NEURL4: variants seen among roughly 807,000 people sequenced by gnomAD.
NEURL4 encodes the protein neuralized E3 ubiquitin protein ligase 4.
In NEURL4, 45 loss-of-function variants were observed where a neutral mutation model predicts 148.0. That is an observed-to-expected ratio of 0.30 (90% CI 0.24 to 0.39). The LOEUF (loss-of-function observed/expected upper bound fraction) is 0.39, where lower values mean the gene tolerates loss of function less well. Among genes scored for constraint, NEURL4 ranks in the 10% least tolerant of loss-of-function variants. The probability of loss-of-function intolerance (pLI) is 1.00; values close to 1 mark genes in which losing one functional copy is unlikely to be tolerated. For synonymous variants in NEURL4, 854 were observed against 869.0 expected (o/e 0.98, Z 0.30); for missense variants, 1,776 against 2,144.0 (o/e 0.83, Z 3.39).
chr17:7,316,541 TCCCA>T (rs1031978764), intron 28 of NEURL4, among the ~76,000 whole-genome samples: 18 of 152,288 alleles, frequency 1.2e-4, no homozygotes, highest in African/African-American at 4.1e-4. Flanking sequence ...CTCGAATCTC[TCCCA>T]CCTTCTTAGG....
Position 7,315,756 on chromosome 17 carries a change from T to C in NEURL4, c.*367A>G, listed in dbSNP as rs1362491043. On this transcript the variant is annotated 3_prime_UTR_variant, in exon 29 of 29. Transcript: ENST00000399464. Reference sequence around the variant, plus strand: ...GGTGGCCCCGGAAAAAGCAGCTTCATGTGGGCACAGGGAGAGACTCCTCTG... The same window carrying C: ...GGTGGCCCCGGAAAAAGCAGCTTCACGTGGGCACAGGGAGAGACTCCTCTG... 5 of 465,260 alleles carry C rather than the reference T, an allele frequency of 1.1e-5. No individual in the cohort carries two copies. In the Admixed American group the frequency reaches 1.9e-4, roughly 18 times the overall value. The allele number at this position is 465,260 out of a possible 1,614,324, so 28.8% of individuals were successfully genotyped here. A position where few individuals can be genotyped will look rare whatever the true frequency, so the allele number is the denominator to read the frequency against.
In NEURL4 at chr17:7,321,884, C is replaced by T. The variant is rs774373138; in HGVS notation, c.2852G>A (p.Arg951Lys). Residue 951 changes from arginine (R) to lysine (K), a missense_variant, in exon 17 of 29, where the codon AGG becomes AAG. Physicochemically the swap from Arg to Lys is conservative, Grantham distance 26. Coordinates refer to ENST00000399464, the MANE Select transcript of NEURL4 (RefSeq NM_032442.3). The surrounding 1 kb of genome is among the most constrained non-coding windows in gnomAD (Gnocchi z 6.3). Reference protein sequence around the residue: ...HGLVFSTKELRAEEVFEVKVE... With the variant: ...HGLVFSTKELKAEEVFEVKVE... The stretch of plus-strand genomic sequence containing the variant: ...GCCTACCTCAAAGACTTCCTCAGCC[C>T]TCAGCTCCTTGGTACTGAAGACAAG... 1.2e-6 allele frequency: 2 copies of T among 1,613,950 alleles called. No homozygotes were observed. The highest frequency in any genetic ancestry group is 1.1e-5 in the South Asian group (1 of 91,074).
Position 7,321,627 on chromosome 17 carries a change from C to G in NEURL4, c.3032G>C (p.Ser1011Thr), listed in dbSNP as rs779230162. 6 of 1,614,088 alleles carry G rather than the reference C, an allele frequency of 3.7e-6. No individual in the cohort carries two copies. The East Asian group carries it at 1.3e-4, about 36-fold the overall frequency. Residue 1011 changes from serine (S) to threonine (T), a missense_variant, in exon 18 of 29, where the codon AGC becomes ACC. Ser to Thr is a moderately conservative substitution (Grantham distance 58, BLOSUM62 1). Coordinates refer to ENST00000399464, the MANE Select transcript of NEURL4 (RefSeq NM_032442.3). This position sits in a 1 kb window ranked among gnomAD's most constrained non-coding sequence, Gnocchi z 6.3. ...LRTKTTWMVS[S>T]CEVRRDGQLQ... is the part of the protein sequence containing the mutation. ...CTGCCCATCACGCCTCACTTCACAG[C>G]TGGATACCATCCAAGTGGTCTTCGT...
Position 7,323,180 on chromosome 17 carries a change from C to T in NEURL4, c.2418-57G>A, listed in dbSNP as rs1567621103. The T allele has an allele frequency of 1.9e-6, 3 of 1,551,648 alleles. No homozygotes were observed. The Admixed American group carries it at 5.1e-5, about 27-fold the overall frequency. ...TGCCAACTTCAACTTCACATTGGCC[C>T]CTGCCCACTCCCTGTCTGTCAGAAC... On this transcript the variant is annotated intron_variant, in intron 14 of 28. Transcript: ENST00000399464.
Position 7,318,509 on chromosome 17 carries a change from C to G in NEURL4, c.3850G>C (p.Gly1284Arg). ...QPCHALVDLY[G>R]QCEQVTIVNP... The stretch of plus-strand genomic sequence containing the variant: ...CTGCCACTAACCTGCTCACACTGCC[C>G]ATAGAGGTCCACAAGCGCATGGCAG... The change falls in exon 23 of 29, where the codon GGG becomes CGG. Residue 1284 changes from glycine to arginine, a missense_variant. By Grantham distance (125) the Gly-to-Arg change is moderately radical (BLOSUM62 -2). Transcript: ENST00000399464. This position sits in a 1 kb window ranked among gnomAD's most constrained non-coding sequence, Gnocchi z 4.3. 1 of 1,609,588 alleles carries G rather than the reference C, an allele frequency of 6.2e-7. No individual in the cohort carries two copies. Among genetic ancestry groups the G allele is most frequent in the Non-Finnish European group, 8.5e-7 (1 of 1,177,416 alleles).
At chr17:7,317,619 C>A in intron 26 of NEURL4, 46 bp from the exon 27 acceptor site, 1 of 1,570,780 alleles carries the variant, frequency 6.4e-7, no homozygotes, top group Non-Finnish European at 8.8e-7. Context: ...GCCACTGACT[C>A]CCCAGTGGAG....
At position 7,320,899 on chromosome 17, in the gene NEURL4, G is replaced by C. The variant is rs1468056301; in HGVS notation, c.3385C>G (p.Pro1129Ala). Reference protein sequence around the residue: ...LGGQNEVGIIPTTLEFLENHG... With the variant: ...LGGQNEVGIIATTLEFLENHG... ...TTCTCCAGGAACTCGAGGGTGGTGG[G>C]TATAATACCCACTTCATTCTGGCCC... is the stretch of plus-strand genomic sequence containing the variant. The change falls in exon 21 of 29, where the codon CCC becomes GCC. Residue 1129 changes from proline to alanine, a missense_variant. Physicochemically the swap from Pro to Ala is conservative, Grantham distance 27 (BLOSUM62 -1). Coordinates refer to ENST00000399464, the MANE Select transcript of NEURL4 (RefSeq NM_032442.3). The C allele has an allele frequency of 6.2e-7, 1 of 1,613,942 alleles. No homozygotes were observed. The highest frequency in any genetic ancestry group is 1.7e-5 in the Admixed American group (1 of 59,988).
rs368412726 is a variant in NEURL4 at position 7,326,876 on chromosome 17, C to T, written c.927G>A (p.Ser309=). The T allele has an allele frequency of 2.2e-5, 36 of 1,613,850 alleles. No homozygotes were observed. Among genetic ancestry groups the T allele is most frequent in the African/African-American group, 5.3e-5 (4 of 74,908 alleles). The change falls in exon 4 of 29, where the codon TCG becomes TCA. Residue 309 remains serine, a synonymous_variant. Coordinates refer to ENST00000399464, the MANE Select transcript of NEURL4 (RefSeq NM_032442.3). This position sits in a 1 kb window ranked among gnomAD's most constrained non-coding sequence, Gnocchi z 6.0. ...EGLGSSGAAT[S]PILTSNDALL... ...GGGCATCGTTGGAAGTGAGAATGGGCGAGGTGGCAGCACCGCTAGATCCCA... is the reference window on the plus strand; with the variant it reads ...GGGCATCGTTGGAAGTGAGAATGGGTGAGGTGGCAGCACCGCTAGATCCCA...
chr17:7,317,590 C>T lies in NEURL4; in HGVS notation c.4206-17G>A, dbSNP rs375598917. Reference sequence around the variant, plus strand: ...GGATTCACTCTAGGAGGTGGACAAGCGGGGCAGATACAACGAAGGCCACTG... The same window carrying T: ...GGATTCACTCTAGGAGGTGGACAAGTGGGGCAGATACAACGAAGGCCACTG... On this transcript the variant is annotated splice_polypyrimidine_tract_variant and intron_variant, in intron 26 of 28. Coordinates refer to ENST00000399464, the MANE Select transcript of NEURL4 (RefSeq NM_032442.3). The T allele has an allele frequency of 7.3e-4, 1,170 of 1,611,286 alleles. 3 individuals carry two copies. Among genetic ancestry groups the T allele is most frequent in the Non-Finnish European group, 8.9e-4 (1,053 of 1,177,650 alleles).
rs1398186593 is a variant in NEURL4, at chr17:7,318,065, C to T, written c.4060G>A (p.Glu1354Lys). 6 of 1,614,086 alleles carry T rather than the reference C, an allele frequency of 3.7e-6. No homozygotes were observed. Among genetic ancestry groups the T allele is most frequent in the Non-Finnish European group, 4.2e-6 (5 of 1,179,946 alleles). The change falls in exon 25 of 29, where the codon GAA becomes AAA. Residue 1354 changes from glutamate (E) to lysine (K), a missense_variant and splice_region_variant. Glu to Lys is a moderately conservative substitution (Grantham distance 56). Coordinates refer to ENST00000399464, the MANE Select transcript of NEURL4 (RefSeq NM_032442.3). This position sits in a 1 kb window ranked among gnomAD's most constrained non-coding sequence, Gnocchi z 4.3. ...AGTTCTGGCGGACTGTGGGACTCACCGGGAAGCAGCAGGAGTTCTTGGAAG... is the reference window on the plus strand; with the variant it reads ...AGTTCTGGCGGACTGTGGGACTCACTGGGAAGCAGCAGGAGTTCTTGGAAG... ...SRFQELLLLPEDYFMPPPKRS... is the reference protein window; with the variant it reads ...SRFQELLLLPKDYFMPPPKRS...
chr17:7,324,744 G>A lies in NEURL4; in HGVS notation c.1813+55C>T. The A allele has an allele frequency of 1.3e-6, 2 of 1,575,976 alleles. No individual in the cohort carries two copies. Among genetic ancestry groups the A allele is most frequent in the Admixed American group, 1.7e-5 (1 of 59,482 alleles). On this transcript the variant is annotated intron_variant, in intron 9 of 28. Transcript: ENST00000399464. This position sits in a 1 kb window ranked among gnomAD's most constrained non-coding sequence, Gnocchi z 5.9. ...GCTGCAGAACAAGTGCCAGGGCTTT[G>A]GGGATAGCTTCCCCCCAAAACCCTA...
chr17:7,327,681 C>T lies in NEURL4; in HGVS notation c.486G>A (p.Glu162=), dbSNP rs753406803. The change falls in exon 2 of 29, where the codon GAG becomes GAA. Residue 162 remains glutamate (E), a synonymous_variant. Transcript: ENST00000399464. The surrounding 1 kb of genome is among the most constrained non-coding windows in gnomAD (Gnocchi z 6.6). ...GCCGAAGCTCCCCAGCAACTGTGCG[C>T]TCCACGCCCACGCGGTCCCCTTCAC... ...QLGEGDRVGV[E]RTVAGELRLW... 2 of 1,613,914 alleles carry T rather than the reference C, an allele frequency of 1.2e-6. No homozygotes were observed. Among genetic ancestry groups the T allele is most frequent in the Admixed American group, 1.7e-5 (1 of 60,016 alleles).
In NEURL4 at chr17:7,324,808, A is replaced by G; in HGVS notation, c.1804T>C (p.Leu602=). The change falls in exon 9 of 29, where the codon TTG becomes CTG. Residue 602 remains leucine (L), a synonymous_variant. Transcript: ENST00000399464. This position sits in a 1 kb window ranked among gnomAD's most constrained non-coding sequence, Gnocchi z 5.9. ...YLQLPSTMTN[L]RSGTWMMTGN... ...CTTCCTGGGAGCTCACCAGAGCGCA[A>G]GTTGGTCATGGTGGAGGGCAACTGG... The G allele has an allele frequency of 6.2e-7, 1 of 1,614,094 alleles. No homozygotes were observed. The highest frequency in any genetic ancestry group is 8.5e-7 in the Non-Finnish European group (1 of 1,179,990).
In NEURL4 at chr17:7,321,919, A is replaced by G. The variant is rs1265864664; in HGVS notation, c.2817T>C (p.Tyr939=). The change falls in exon 17 of 29, where the codon TAT becomes TAC. Residue 939 remains tyrosine (Y), a synonymous_variant. Coordinates refer to ENST00000399464, the MANE Select transcript of NEURL4 (RefSeq NM_032442.3). This position sits in a 1 kb window ranked among gnomAD's most constrained non-coding sequence, Gnocchi z 6.3. ...DGTRAVRAAG[Y]AHGLVFSTKE... Reference sequence around the variant, plus strand: ...TGGTACTGAAGACAAGGCCATGAGCATAGCCAGCGGCACGCACTGCCCTCG... The same window carrying G: ...TGGTACTGAAGACAAGGCCATGAGCGTAGCCAGCGGCACGCACTGCCCTCG... 1 of 1,614,058 alleles carries G rather than the reference A, an allele frequency of 6.2e-7. No individual in the cohort carries two copies. Among genetic ancestry groups the G allele is most frequent in the South Asian group, 1.1e-5 (1 of 91,086 alleles).
In NEURL4 at chr17:7,317,873, G is replaced by C; in HGVS notation, c.4120C>G (p.Leu1374Val). The C allele has an allele frequency of 6.2e-7, 1 of 1,614,202 alleles. No homozygotes were observed. Among genetic ancestry groups the C allele is most frequent in the East Asian group, 2.2e-5 (1 of 44,882 alleles). ...SLCYCESCRKLRGDEAHRRRG... is the reference protein window; with the variant it reads ...SLCYCESCRKVRGDEAHRRRG... ...CGCCTGTGGGCCTCGTCTCCTCGCA[G>C]CTTCCGGCAAGACTCACAGTAGCAC... Residue 1374 changes from leucine (L) to valine (V), a missense_variant, in exon 26 of 29, where the codon CTG (leucine) becomes GTG (valine). Coordinates refer to ENST00000399464, the MANE Select transcript of NEURL4 (RefSeq NM_032442.3).
chr17:7,322,826 T>C lies in NEURL4; in HGVS notation c.2634A>G (p.Gln878=), dbSNP rs1415646086. 2 of 1,613,930 alleles carry C rather than the reference T, an allele frequency of 1.2e-6. No homozygotes were observed. The highest frequency in any genetic ancestry group is 1.1e-5 in the South Asian group (1 of 91,082). Residue 878 remains glutamine, a synonymous_variant, in exon 16 of 29, where the codon CAA becomes CAG. Transcript: ENST00000399464. This position sits in a 1 kb window ranked among gnomAD's most constrained non-coding sequence, Gnocchi z 5.5. The part of the protein sequence containing the change: ...AVVDLYGQCV[Q]VSITNATGPM... Reference sequence around the variant, plus strand: ...GGCCGGTGGCATTGGTGATGGACACTTGGACACACTGGCCATAGAGATCGA... The same window carrying C: ...GGCCGGTGGCATTGGTGATGGACACCTGGACACACTGGCCATAGAGATCGA...
At position 7,325,648 on chromosome 17, in the gene NEURL4, G is replaced by A. The variant is rs368015058; in HGVS notation, c.1359C>T (p.Ile453=). 1.7e-5 allele frequency: 28 copies of A among 1,613,514 alleles called. No individual in the cohort carries two copies. The highest frequency in any genetic ancestry group is 1.5e-4 in the African/African-American group (11 of 74,830). The part of the protein sequence containing the change: ...NSALHFFING[I]DQGVATPLTP... The stretch of plus-strand genomic sequence containing the variant: ...TCTCTGGGCGGCCCTTACCCTGATC[G>A]ATACCATTAATGAAGAAGTGTAGGG... Residue 453 remains isoleucine (I), a synonymous_variant, in exon 7 of 29, where the codon ATC becomes ATT. Coordinates refer to ENST00000399464, the MANE Select transcript of NEURL4 (RefSeq NM_032442.3).
chr17:7,320,887 C>A lies in NEURL4; in HGVS notation c.3397G>T (p.Glu1133Ter). The A allele has an allele frequency of 6.2e-7, 1 of 1,614,010 alleles. No individual in the cohort carries two copies. Among genetic ancestry groups the A allele is most frequent in the Non-Finnish European group, 8.5e-7 (1 of 1,179,994 alleles). ...NEVGIIPTTL[E>*]FLENHGKNIL... ...TTCTTCCCATGGTTCTCCAGGAACT[C>A]GAGGGTGGTGGGTATAATACCCACT... The change falls in exon 21 of 29, where the codon GAG becomes TAG. Residue 1133 changes from glutamate to a stop codon, truncating the protein, a stop_gained. Transcript: ENST00000399464. LOFTEE classifies it high-confidence loss of function.
At position 7,318,576 on chromosome 17, in the gene NEURL4, A is replaced by G. The variant is rs767144385; in HGVS notation, c.3783T>C (p.Asn1261=). 1.2e-6 allele frequency: 2 copies of G among 1,613,998 alleles called. No individual in the cohort carries two copies. Among genetic ancestry groups the G allele is most frequent in the Non-Finnish European group, 1.7e-6 (2 of 1,179,986 alleles). Residue 1261 remains asparagine, a synonymous_variant, in exon 23 of 29, where the codon AAT becomes AAC. Coordinates refer to ENST00000399464, the MANE Select transcript of NEURL4 (RefSeq NM_032442.3). The surrounding 1 kb of genome is among the most constrained non-coding windows in gnomAD (Gnocchi z 4.3). ...DSSGGLHLHV[N]GVDQGVAVPD... ...GCACAGCTACCCCCTGGTCCACCCC[A>G]TTAACATGAAGATGCAGCCCCCCAG...
Sources: allele counts gnomAD v4.1 joint callset (sites outside exome capture counted in the v4.1 genomes callset), GRCh38; gene constraint gnomAD v4.1.1; non-coding constraint Gnocchi (gnomAD v3.1); transcripts MANE v1.5; gene names NCBI Gene and HGNC (gene_info 2026-07-23, HGNC 2026-07-21).